The following NT5C3A variants were observed in gnomAD, a reference collection of about 807,000 sequenced individuals.
NT5C3A encodes the protein 5'-nucleotidase, cytosolic IIIA.
Under a neutral mutation model 40.0 loss-of-function variants are expected in NT5C3A, and 23 were observed. The observed-to-expected ratio is 0.58, with a 90% CI of 0.41 to 0.81. The LOEUF (loss-of-function observed/expected upper bound fraction) is 0.81, where lower values mean the gene tolerates loss of function less well. Among genes scored for constraint, NT5C3A ranks in the 40% least tolerant of loss-of-function variants. The pLI, the probability that NT5C3A is intolerant of heterozygous loss-of-function variation, is 0.00. For missense variants in NT5C3A, 328 were observed against 403.0 expected, an observed-to-expected ratio of 0.81 and a Z score of 1.59; for synonymous variants, 130 against 141.4, an observed-to-expected ratio of 0.92 and a Z score of 0.57.
intron 1 of NT5C3A, among the ~76,000 whole-genome samples, chr7:33,049,875 C>T (rs1341478714): frequency 1.4e-5 from 2 of 146,286 alleles, no homozygotes; most frequent in African/African-American, 2.6e-5. Context: ...GAGGCTGAGG[C>T]GAGAGAATGG....
At chr7:33,051,298 G>T (rs1274122385) in intron 1 of NT5C3A, among the ~76,000 whole-genome samples, 1 of 151,868 alleles carries the variant, frequency 6.6e-6, no homozygotes, top group East Asian at 1.9e-4. Flanking sequence ...TGGGTAGCAG[G>T]GATTACAGGC....
intron 4 of NT5C3A, among the ~76,000 whole-genome samples, chr7:33,021,611 CTT>C (rs965853109): frequency 3.6e-4 from 55 of 152,174 alleles, no homozygotes; most frequent in African/African-American, 1.2e-3. Flanking sequence ...ACAAAAAACA[CTT>C]TAGTTTTCAT....
intron 5 of NT5C3A, among the ~76,000 whole-genome samples, chr7:33,021,056 C>T (rs1785598224): frequency 6.6e-6 from 1 of 152,052 alleles, no homozygotes; most frequent in African/African-American, 2.4e-5. Context: ...TTAATTTATT[C>T]CTACTGGACT....
At chr7:33,054,879 G>C (rs1463885987) in intron 1 of NT5C3A, among the ~76,000 whole-genome samples, 1 of 152,120 alleles carries the variant, frequency 6.6e-6, no homozygotes, top group South Asian at 2.1e-4. Flanking sequence ...GTACTGTTAG[G>C]TCTATAGTTT....
Position 33,014,785 on chromosome 7 carries a change from A to G in NT5C3A, c.941T>C (p.Leu314Ser). The G allele has an allele frequency of 6.2e-7, 1 of 1,613,208 alleles. No homozygotes were observed. Among genetic ancestry groups the G allele is most frequent in the Non-Finnish European group, 8.5e-7 (1 of 1,179,732 alleles). The change falls in exon 9 of 9, where the codon TTA becomes TCA. Residue 314 changes from leucine (L) to serine (S), a missense_variant. Leu to Ser is a moderately radical substitution (Grantham distance 145, BLOSUM62 -2). Transcript: ENST00000610140. ...TACTTCTAATGATTCATCTTGTACT[A>G]AAACAATATCATAAGAGTCCATGTA... is the stretch of plus-strand genomic sequence containing the variant. ...EKYMDSYDIVLVQDESLEVAN... is the reference protein window; with the variant it reads ...EKYMDSYDIVSVQDESLEVAN...
At chr7:33,045,533 C>A (rs767192567) in intron 1 of NT5C3A, among the ~76,000 whole-genome samples, 2 of 151,478 alleles carry the variant, frequency 1.3e-5, no homozygotes, top group Non-Finnish European at 2.9e-5. Context: ...GATCTCGGCT[C>A]ACTGCAATCT....
intron 5 of NT5C3A, among the ~76,000 whole-genome samples, chr7:33,020,132 G>A (rs996448979): frequency 1.3e-5 from 2 of 152,088 alleles, no homozygotes; most frequent in African/African-American, 2.4e-5. Flanking sequence ...ATGCTACTTA[G>A]TGAACAAGAG....
intron 1 of NT5C3A, among the ~76,000 whole-genome samples, chr7:33,061,856 T>A (rs1787791236): frequency 6.6e-6 from 1 of 152,168 alleles, no homozygotes; most frequent in South Asian, 2.1e-4. Flanking sequence ...ATATCCTCAT[T>A]TTTGAAACAA....
intron 1 of NT5C3A, chr7:33,029,591 A>C: frequency 8.7e-7 from 1 of 1,151,020 alleles, no homozygotes; most frequent in Non-Finnish European, 1.2e-6. Context: ...CACCAAAAAA[A>C]TTAAATATTT....
chr7:33,053,150 A>C (rs1366445774), intron 1 of NT5C3A, among the ~76,000 whole-genome samples: 1 of 152,152 alleles, frequency 6.6e-6, no homozygotes, highest in African/African-American at 2.4e-5. Context: ...CTAAAGATGT[A>C]ATGAGCCTGG....
chr7:33,061,412 G>A (rs1056435337), intron 1 of NT5C3A, among the ~76,000 whole-genome samples: 1 of 152,116 alleles, frequency 6.6e-6, no homozygotes, highest in South Asian at 2.1e-4. Flanking sequence ...TTAAGAGACA[G>A]GGTCTCGCTA....
intron 1 of NT5C3A, among the ~76,000 whole-genome samples, chr7:33,032,423 CA>C (rs34501041): frequency 1.7e-3 from 158 of 94,828 alleles, no homozygotes; most frequent in Middle Eastern, 8.5e-3. Flanking sequence ...ACTCGGTCTC[CA>C]AAAAAAAAAA....
chr7:33,029,477 C>A, intron 1 of NT5C3A: 1 of 379,716 alleles, frequency 2.6e-6, no homozygotes, highest in South Asian at 2.1e-5. Flanking sequence ...CTGTTCTTAC[C>A]TCAGCCTTAA....
Position 33,015,886 on chromosome 7 carries a change from A to T in NT5C3A, c.694-16T>A. 6.5e-7 allele frequency: 1 copy of T among 1,546,608 alleles called. No individual in the cohort carries two copies. The highest frequency in any genetic ancestry group is 8.9e-7 in the Non-Finnish European group (1 of 1,118,776). On this transcript the variant is annotated splice_polypyrimidine_tract_variant and intron_variant, in intron 7 of 8. Coordinates refer to ENST00000610140, the MANE Select transcript of NT5C3A (RefSeq NM_001002010.5). ...TGAGCACCCCCTATGAAAAATATAAATCTTTTGAACAGGCTTTAAAAATTC... is the reference window on the plus strand; with the variant it reads ...TGAGCACCCCCTATGAAAAATATAATTCTTTTGAACAGGCTTTAAAAATTC...
intron 1 of NT5C3A, among the ~76,000 whole-genome samples, chr7:33,047,329 T>C (rs1787195117): frequency 6.6e-6 from 1 of 152,182 alleles, no homozygotes; most frequent in African/African-American, 2.4e-5. Flanking sequence ...AGATTTAACT[T>C]ACTACCCTTC....
intron 1 of NT5C3A, 79 bp from the exon 2 acceptor site, chr7:33,026,994 CTTAT>C: frequency 1.1e-6 from 1 of 894,406 alleles, no homozygotes; most frequent in Non-Finnish European, 1.8e-6. Flanking sequence ...AGAAACCTGT[CTTAT>C]TTAAAGACAT....
intron 1 of NT5C3A, among the ~76,000 whole-genome samples, chr7:33,033,923 G>T (rs1444556290): frequency 7.1e-6 from 1 of 140,960 alleles, no homozygotes; most frequent in African/African-American, 2.7e-5. Context: ...AGGGAGTCTC[G>T]CATTGTCGCC....
chr7:33,041,809 T>C (rs1021390532), intron 1 of NT5C3A, among the ~76,000 whole-genome samples: 1 of 152,154 alleles, frequency 6.6e-6, no homozygotes, highest in Non-Finnish European at 1.5e-5. Flanking sequence ...AATATGCTAA[T>C]ACCATGTGTC....
chr7:33,018,977 A>G (rs1785487398), intron 6 of NT5C3A, among the ~76,000 whole-genome samples: 1 of 152,214 alleles, frequency 6.6e-6, no homozygotes. Context: ...GTAAATTTAG[A>G]CATAGTATAC....
Sources: gnomAD v4.1 joint callset for allele counts (sites outside exome capture counted in the v4.1 genomes callset) on GRCh38, gnomAD v4.1.1 for gene constraint, MANE v1.5 for transcripts, NCBI Gene and HGNC (gene_info 2026-07-23, HGNC 2026-07-21) for gene names.